The following INTS9 variants were observed in gnomAD, a reference collection of about 807,000 sequenced individuals.
INTS9 encodes protein related to CPSF subunits of 74 kDa.
A neutral mutation model predicts 79.7 loss-of-function variants in INTS9; 55 were observed. The observed-to-expected ratio is 0.69, with a 90% confidence interval of 0.56 to 0.86. INTS9 has a LOEUF of 0.86. Ranked by LOEUF, INTS9 falls within the 40% of genes least tolerant of loss-of-function variation. The pLI is 0.00. For synonymous variants in INTS9, 319 were observed against 325.2 expected, an observed-to-expected ratio of 0.98 and a Z score of 0.20; for missense variants, 721 against 831.5, an observed-to-expected ratio of 0.87 and a Z score of 1.64.
chr8:28,888,865 T>C (rs907076980), intron 1 of INTS9, among the ~76,000 whole-genome samples: 4 of 152,178 alleles, frequency 2.6e-5, no homozygotes. Context: ...TTGTGTGGTT[T>C]GGCAAAGCAT....
At chr8:28,776,626 T>G (rs1802906281) in intron 13 of INTS9, among the ~76,000 whole-genome samples, 1 of 152,132 alleles carries the variant, frequency 6.6e-6, no homozygotes. Flanking sequence ...TGAAGACGGC[T>G]TTCCACCAGG....
intron 4 of INTS9, among the ~76,000 whole-genome samples, chr8:28,838,188 G>A (rs1166949894): frequency 1.3e-5 from 2 of 151,906 alleles, no homozygotes; most frequent in African/African-American, 4.8e-5. Flanking sequence ...GGGCAACGGG[G>A]ACGCAGCACA....
chr8:28,797,636 C>G (rs1804298048), intron 8 of INTS9, among the ~76,000 whole-genome samples: 1 of 152,134 alleles, frequency 6.6e-6, no homozygotes, highest in Non-Finnish European at 1.5e-5. Context: ...AAATATTACC[C>G]TTTCTAAATA....
intron 6 of INTS9, among the ~76,000 whole-genome samples, chr8:28,823,252 C>A (rs34807077): frequency 0.21 from 31,188 of 152,082 alleles, 3,582 homozygotes; most frequent in East Asian, 0.46. Flanking sequence ...GAGCTCTCTG[C>A]CCTCCTCTTT....
At chr8:28,803,877 C>G (rs934325580) in intron 8 of INTS9, among the ~76,000 whole-genome samples, 2 of 152,098 alleles carry the variant, frequency 1.3e-5, no homozygotes, top group Non-Finnish European at 2.9e-5. Flanking sequence ...CCTGACAAGA[C>G]CACACATGGG....
intron 11 of INTS9, 49 bp from the exon 12 acceptor site, chr8:28,781,043 A>AC: frequency 6.6e-7 from 1 of 1,505,086 alleles, no homozygotes; most frequent in Non-Finnish European, 9.1e-7. Flanking sequence ...GCCCAGGCTG[A>AC]AGGGGGAACC....
chr8:28,827,069 G>A (rs2131131896), intron 6 of INTS9, among the ~76,000 whole-genome samples: 1 of 152,264 alleles, frequency 6.6e-6, no homozygotes, highest in South Asian at 2.1e-4. Flanking sequence ...TTACAGAGAG[G>A]CATTTATAGA....
intron 14 of INTS9, among the ~76,000 whole-genome samples, chr8:28,771,713 G>A (rs1251182594): frequency 1.3e-5 from 2 of 152,242 alleles, no homozygotes; most frequent in Non-Finnish European, 2.9e-5. Flanking sequence ...CCTTGCCGAG[G>A]AGCAGGGTGT....
chr8:28,820,365 C>T (rs1805761413), intron 6 of INTS9, among the ~76,000 whole-genome samples: 2 of 152,134 alleles, frequency 1.3e-5, no homozygotes, highest in Non-Finnish European at 2.9e-5. Flanking sequence ...CAAAATCTCT[C>T]AGCATTTGCT....
chr8:28,862,430 T>G (rs1405741679), intron 1 of INTS9, among the ~76,000 whole-genome samples: 4 of 152,226 alleles, frequency 2.6e-5, no homozygotes, highest in Non-Finnish European at 5.9e-5. Context: ...TACCATGGTT[T>G]GTTTGGTCAT....
intron 4 of INTS9, among the ~76,000 whole-genome samples, chr8:28,841,886 G>C (rs906581440): frequency 1.3e-5 from 2 of 152,156 alleles, no homozygotes; most frequent in African/African-American, 2.4e-5. Flanking sequence ...AGGAGTTTGA[G>C]ACCAGCCTGG....
intron 3 of INTS9, among the ~76,000 whole-genome samples, chr8:28,848,893 C>T (rs1022314802): frequency 6.6e-6 from 1 of 152,204 alleles, no homozygotes; most frequent in African/African-American, 2.4e-5. Flanking sequence ...TAATGGGATG[C>T]TTCGGAGCCT....
At chr8:28,848,428 G>T (rs1458133399) in intron 3 of INTS9, among the ~76,000 whole-genome samples, 1 of 152,112 alleles carries the variant, frequency 6.6e-6, no homozygotes, top group Non-Finnish European at 1.5e-5. Flanking sequence ...TCAGAACCTT[G>T]ATAGACAATT....
chr8:28,838,749 G>A (rs1158164680), intron 4 of INTS9, among the ~76,000 whole-genome samples: 2 of 152,054 alleles, frequency 1.3e-5, no homozygotes, highest in Admixed American at 6.6e-5. Context: ...TCAAACTCCC[G>A]GCCTCAAGTG....
intron 14 of INTS9, among the ~76,000 whole-genome samples, chr8:28,775,406 G>A (rs1229786910): frequency 2.6e-5 from 4 of 151,812 alleles, no homozygotes; most frequent in African/African-American, 4.8e-5. Context: ...GTGTGATCTC[G>A]GCTCACTGCA....
chr8:28,792,057 T>C (rs766246886), intron 10 of INTS9, among the ~76,000 whole-genome samples: 16 of 152,188 alleles, frequency 1.1e-4, no homozygotes, highest in Admixed American at 2.6e-4. Flanking sequence ...AGAGTACAAT[T>C]ATAAGTGAGG....
intron 1 of INTS9, among the ~76,000 whole-genome samples, chr8:28,861,440 AG>A (rs781677136): frequency 6.6e-6 from 1 of 152,256 alleles, no homozygotes; most frequent in Non-Finnish European, 1.5e-5. Context: ...TTCAAAAATA[AG>A]AAAAAATCAG....
At chr8:28,887,377 G>A (rs991191825) in intron 1 of INTS9, among the ~76,000 whole-genome samples, 1 of 152,178 alleles carries the variant, frequency 6.6e-6, no homozygotes, top group African/African-American at 2.4e-5. Flanking sequence ...GGGTCTTGTT[G>A]AATTCCGATT....
At chr8:28,827,745 A>G (rs1409831190) in intron 6 of INTS9, among the ~76,000 whole-genome samples, 4 of 152,230 alleles carry the variant, frequency 2.6e-5, no homozygotes, top group African/African-American at 9.6e-5. Flanking sequence ...AAAGCATGAC[A>G]GGAACGACTC....
Sources: allele counts gnomAD v4.1 joint callset (sites outside exome capture counted in the v4.1 genomes callset), GRCh38; gene constraint gnomAD v4.1.1; transcripts MANE v1.5; gene names NCBI Gene and HGNC (gene_info 2026-07-23, HGNC 2026-07-21).